Variants in SPON1 observed in about 807,000 individuals in gnomAD.
The protein encoded by SPON1 is spondin-1.
In SPON1, 52 loss-of-function variants were observed where a neutral mutation model predicts 111.7. The ratio of observed to expected loss-of-function variants is 0.47; its 90% CI spans 0.37 to 0.59. The LOEUF (loss-of-function observed/expected upper bound fraction) is 0.59. Ranked by LOEUF, SPON1 falls within the 20% of genes least tolerant of loss-of-function variation. The probability of loss-of-function intolerance (pLI) is 0.00; values close to 1 mark genes in which losing one functional copy is unlikely to be tolerated. For missense variants in SPON1, 957 were observed against 1,068.5 expected, an observed-to-expected ratio of 0.90 and a Z score of 1.46; for synonymous variants, 410 against 395.8, an observed-to-expected ratio of 1.04 and a Z score of -0.43.
chr11:14,149,676 G>A (rs999256813), intron 6 of SPON1, among the ~76,000 whole-genome samples: 54 of 152,144 alleles, frequency 3.5e-4, no homozygotes, highest in African/African-American at 1.2e-3. Context: ...TATTTTAATG[G>A]TACCTTGATA....
At chr11:13,977,356 T>C (rs544199362) in intron 1 of SPON1, among the ~76,000 whole-genome samples, 5 of 152,334 alleles carry the variant, frequency 3.3e-5, no homozygotes, top group Admixed American at 6.5e-5. Context: ...GTTAATTCTT[T>C]TAAATTTAGC....
intron 5 of SPON1, among the ~76,000 whole-genome samples, chr11:14,112,694 G>A (rs1411490444): frequency 6.6e-6 from 1 of 152,154 alleles, no homozygotes; most frequent in Non-Finnish European, 1.5e-5. Context: ...TCATGCATGT[G>A]TCAATTCCAT....
At chr11:14,133,323 G>A (rs1414844730) in intron 5 of SPON1, among the ~76,000 whole-genome samples, 1 of 152,202 alleles carries the variant, frequency 6.6e-6, no homozygotes, top group African/African-American at 2.4e-5. Context: ...TAGGTGTTGG[G>A]CTGAAGTCAG....
chr11:14,229,416 G>T (rs1591419121), intron 6 of SPON1, among the ~76,000 whole-genome samples: 1 of 152,164 alleles, frequency 6.6e-6, no homozygotes, highest in East Asian at 1.9e-4. Flanking sequence ...TGGTGCGTGG[G>T]CATGACAGGT....
At chr11:14,220,936 G>T (rs1848673834) in intron 6 of SPON1, among the ~76,000 whole-genome samples, 1 of 152,168 alleles carries the variant, frequency 6.6e-6, no homozygotes, top group African/African-American at 2.4e-5. Context: ...TTATGCCAGG[G>T]TCAGGACAAA....
At chr11:14,071,808 T>C (rs1352211254) in intron 3 of SPON1, among the ~76,000 whole-genome samples, 3 of 151,946 alleles carry the variant, frequency 2.0e-5, no homozygotes, top group African/African-American at 7.3e-5. Flanking sequence ...ACCTCCTGGG[T>C]TCAAGCGATT....
In SPON1 at chr11:14,070,998, C is replaced by G. The variant is rs1365525232; in HGVS notation, c.480-4347C>G. Among the ~76,000 whole-genome samples the G allele has an allele frequency of 3.9e-5, 6 of 152,216 alleles. No homozygotes were observed. The East Asian group carries it at 9.7e-4, about 25-fold the overall frequency. ...TTAATTTAGATTTCCTTAACATGCTCTCTTATGATAAGAGAGCATTCAGTA... is the reference window on the plus strand; with the variant it reads ...TTAATTTAGATTTCCTTAACATGCTGTCTTATGATAAGAGAGCATTCAGTA... On this transcript the variant is annotated intron_variant, in intron 3 of 15. Coordinates refer to ENST00000576479, the MANE Select transcript of SPON1 (RefSeq NM_006108.4).
intron 6 of SPON1, among the ~76,000 whole-genome samples, chr11:14,160,810 ATT>A (rs1192930195): frequency 4.0e-5 from 2 of 49,488 alleles, no homozygotes; most frequent in African/African-American, 1.6e-4. Flanking sequence ...TTTTATATAT[ATT>A]TTTATATATA....
At chr11:14,223,453 G>T (rs1444252216) in intron 6 of SPON1, among the ~76,000 whole-genome samples, 2 of 152,170 alleles carry the variant, frequency 1.3e-5, no homozygotes, top group African/African-American at 4.8e-5. Flanking sequence ...CAATAAAATT[G>T]TATTAATCTC....
chr11:14,159,889 A>C, intron 6 of SPON1, among the ~76,000 whole-genome samples: 2 of 9,972 alleles, frequency 2.0e-4, no homozygotes, highest in Non-Finnish European at 3.7e-4. Context: ...GAGGCTGGGA[A>C]GGGTAGTGGG....
intron 3 of SPON1, among the ~76,000 whole-genome samples, chr11:14,042,086 A>G (rs1195522912): frequency 6.6e-6 from 1 of 151,834 alleles, no homozygotes; most frequent in African/African-American, 2.4e-5. Flanking sequence ...TTATGATGCT[A>G]TCTTCTTCTT....
chr11:14,186,683 C>T (rs1213423926), intron 6 of SPON1, among the ~76,000 whole-genome samples: 2 of 152,212 alleles, frequency 1.3e-5, no homozygotes, highest in African/African-American at 2.4e-5. Context: ...CATACCTAAT[C>T]TTGACTACAT....
chr11:14,131,946 A>G (rs1847534183), intron 5 of SPON1, among the ~76,000 whole-genome samples: 1 of 152,208 alleles, frequency 6.6e-6, no homozygotes, highest in Non-Finnish European at 1.5e-5. Context: ...AGTGCCTTAC[A>G]AATATCTGTT....
At chr11:14,110,644 G>A (rs1307332512) in intron 5 of SPON1, among the ~76,000 whole-genome samples, 1 of 152,148 alleles carries the variant, frequency 6.6e-6, no homozygotes, top group African/African-American at 2.4e-5. Flanking sequence ...AGGCCCAAGG[G>A]CTCCTGGAAG....
At position 14,262,345 on chromosome 11, in the gene SPON1, A is replaced by G. The variant is rs1554941984; in HGVS notation, c.1997-367A>G. 3 of 241,642 alleles carry G rather than the reference A, an allele frequency of 1.2e-5. No individual in the cohort carries two copies. The Admixed American group carries it at 1.5e-4, about 12-fold the overall frequency. 15.0% of individuals were successfully genotyped at this position (241,642 alleles called of 1,614,324 possible). ...GGGCTTGCTGGCCTTGCTCTGAAAA[A>G]TATCACCAGTGAGTTTGGGACTGTG... On this transcript the variant is annotated intron_variant, in intron 14 of 15. Coordinates refer to ENST00000576479, the MANE Select transcript of SPON1 (RefSeq NM_006108.4).
chr11:14,016,443 T>C (rs1554914293), intron 2 of SPON1, among the ~76,000 whole-genome samples: 1 of 152,254 alleles, frequency 6.6e-6, no homozygotes, highest in Non-Finnish European at 1.5e-5. Context: ...TCCATCTAAG[T>C]ATACATTTAT....
rs973782562 is a variant in SPON1, at chr11:14,146,994, G to A, written c.825+11426G>A. On this transcript the variant is annotated intron_variant, in intron 6 of 15. Transcript: ENST00000576479. Reference sequence around the variant, plus strand: ...TATTTTTAAATGAAAACATAAAAACGTTAGAAGAAAACATGAAAGAACCTT... The same window carrying A: ...TATTTTTAAATGAAAACATAAAAACATTAGAAGAAAACATGAAAGAACCTT... 1.6e-4 allele frequency among the ~76,000 whole-genome samples: 20 copies of A among 122,730 alleles called. No homozygotes were observed. In the East Asian group the frequency reaches 2.5e-3, roughly 15 times the overall value. The allele number at this position is 122,730 out of a possible 152,430, so 80.5% of individuals were successfully genotyped here. A position where few individuals can be genotyped will look rare whatever the true frequency, so the allele number is the denominator to read the frequency against.
intron 2 of SPON1, among the ~76,000 whole-genome samples, chr11:14,001,493 C>G (rs1554912440): frequency 6.6e-6 from 1 of 152,178 alleles, no homozygotes; most frequent in Non-Finnish European, 1.5e-5. Flanking sequence ...TAGCCAGGTC[C>G]AGCCCTGTCT....
chr11:14,234,216 A>G (rs973969483), intron 6 of SPON1, among the ~76,000 whole-genome samples: 2 of 152,198 alleles, frequency 1.3e-5, no homozygotes, highest in Admixed American at 6.5e-5. Context: ...TTGAAGGCAG[A>G]CAGCCCTTGC....
Sources: allele counts gnomAD v4.1 joint callset (sites outside exome capture counted in the v4.1 genomes callset), GRCh38; gene constraint gnomAD v4.1.1; transcripts MANE v1.5; gene names NCBI Gene and HGNC (gene_info 2026-07-23, HGNC 2026-07-21).